DNAJB1: variants seen among roughly 807,000 people sequenced by gnomAD.
The protein encoded by DNAJB1 is DnaJ heat shock protein family (Hsp40) member B1.
DNAJB1 carries 14 observed loss-of-function variants against 24.0 expected under a neutral mutation model. That is an observed-to-expected ratio of 0.58 (90% CI 0.39 to 0.91). The LOEUF (loss-of-function observed/expected upper bound fraction) is 0.91, where lower values mean the gene tolerates loss of function less well. Among genes scored for constraint, DNAJB1 ranks in the 40% least tolerant of loss-of-function variants. DNAJB1 has a pLI of 0.00. For synonymous variants in DNAJB1, 262 were observed against 174.4 expected (o/e 1.50, Z -3.96); for missense variants, 517 against 458.1 (o/e 1.13, Z -1.17).
chr19:14,558,289 C>A (rs1258638275), intron 1 of DNAJB1, among the ~76,000 whole-genome samples: 6 of 152,154 alleles, frequency 3.9e-5, no homozygotes, highest in Admixed American at 3.9e-4. Flanking sequence ...CGAGAGCCCC[C>A]CTTTTCACTC....
At chr19:14,538,619 G>C (rs1228324819) in intron 1 of DNAJB1, among the ~76,000 whole-genome samples, 1 of 150,232 alleles carries the variant, frequency 6.7e-6, no homozygotes, top group Non-Finnish European at 1.5e-5. Context: ...TGCAACCTCT[G>C]CCTCCTGGGT....
chr19:14,535,558 A>ATATATATATATATG (rs2072856646), intron 1 of DNAJB1, among the ~76,000 whole-genome samples: 3 of 17,092 alleles, frequency 1.8e-4, no homozygotes, highest in African/African-American at 5.5e-4. Flanking sequence ...ATATATATAT[A>ATATATATATATATG]TATATATATA....
chr19:14,543,697 C>T (rs1299852609), intron 1 of DNAJB1, among the ~76,000 whole-genome samples: 2 of 150,684 alleles, frequency 1.3e-5, no homozygotes, highest in East Asian at 3.9e-4. Context: ...CTCGGCCTCC[C>T]AAAGTGCTGG....
chr19:14,516,450 C>G lies in DNAJB1; in HGVS notation c.792+16G>C. Reference sequence around the variant, plus strand: ...GCCATCGCCCTCTACAGACACCGCCCCACCTGGCACCTTACCTCCCGGAGG... The same window carrying G: ...GCCATCGCCCTCTACAGACACCGCCGCACCTGGCACCTTACCTCCCGGAGG... On this transcript the variant is annotated intron_variant, in intron 2 of 2. Transcript: ENST00000254322. 6.2e-7 allele frequency: 1 copy of G among 1,606,908 alleles called. No individual in the cohort carries two copies. The highest frequency in any genetic ancestry group is 8.5e-7 in the Non-Finnish European group (1 of 1,175,164).
At chr19:14,530,353 G>A (rs569966912), upstream of DNAJB1, 24 of 153,602 alleles carry the variant, frequency 1.6e-4, no homozygotes, top group South Asian at 4.3e-3. Flanking sequence ...TCCTAACTTG[G>A]GTCTCTTTTT....
At chr19:14,539,475 C>T (rs1161343665) in intron 1 of DNAJB1, among the ~76,000 whole-genome samples, 1 of 152,118 alleles carries the variant, frequency 6.6e-6, no homozygotes, top group East Asian at 1.9e-4. Context: ...TAGGAGCACA[C>T]TGCTTCTGTT....
upstream of DNAJB1, chr19:14,529,626 A>G (rs369850035): frequency 3.7e-6 from 6 of 1,611,394 alleles, no homozygotes; most frequent in South Asian, 2.2e-5. Context: ...CGAGCGCTGT[A>G]GGGAGCCTGT....
In DNAJB1 at chr19:14,517,036, C is replaced by T. The variant is rs1471532277; in HGVS notation, c.222G>A (p.Gly74=). The T allele has an allele frequency of 1.2e-6, 2 of 1,605,168 alleles. No homozygotes were observed. Among genetic ancestry groups the T allele is most frequent in the Non-Finnish European group, 1.7e-6 (2 of 1,175,790 alleles). ...CGCCGCTACCGCCACTGGGGCCACT[C>T]CCCTTTAGGCCTGAAAAGCAGATTT... The part of the protein sequence containing the change: ...FDRYGEEGLK[G]SGPSGGSGGG... The change falls in exon 2 of 3, where the codon GGG becomes GGA. Residue 74 remains glycine (G), a synonymous_variant. Coordinates refer to ENST00000254322, the MANE Select transcript of DNAJB1 (RefSeq NM_006145.3).
At chr19:14,544,937 G>A (rs2073249191) in intron 1 of DNAJB1, among the ~76,000 whole-genome samples, 1 of 152,070 alleles carries the variant, frequency 6.6e-6, no homozygotes, top group Non-Finnish European at 1.5e-5. Context: ...CCAGCACGTG[G>A]CTTGTTTTGA....
Position 14,515,868 on chromosome 19 carries a change from A to C in DNAJB1, c.*72T>G. The C allele has an allele frequency of 2.8e-6, 4 of 1,452,920 alleles. No homozygotes were observed. Among genetic ancestry groups the C allele is most frequent in the Non-Finnish European group, 3.8e-6 (4 of 1,053,716 alleles). The allele number at this position is 1,452,920 out of a possible 1,614,324, so 90.0% of individuals were successfully genotyped here. On this transcript the variant is annotated 3_prime_UTR_variant, in exon 3 of 3. Transcript: ENST00000254322. ...GCCCTCCCACCCTCTCATGGTCCAC[A>C]ACTGGTAGAAAGGTCCAGAAATCCT...
chr19:14,516,262 G>A, intron 2 of DNAJB1, 92 bp from the exon 3 acceptor site: 1 of 1,440,612 alleles, frequency 6.9e-7, no homozygotes, highest in Non-Finnish European at 9.4e-7. Context: ...AGACCCATCA[G>A]GCCTCTGCAG....
At position 14,516,681 on chromosome 19, in the gene DNAJB1, C is replaced by T. The variant is rs771619426; in HGVS notation, c.577G>A (p.Asp193Asn). The T allele has an allele frequency of 6.2e-7, 1 of 1,614,098 alleles. No individual in the cohort carries two copies. The highest frequency in any genetic ancestry group is 8.5e-7 in the Non-Finnish European group (1 of 1,179,986). The change falls in exon 2 of 3, where the codon GAC becomes AAC. Residue 193 changes from aspartate to asparagine, a missense_variant. Physicochemically the swap from Asp to Asn is conservative, Grantham distance 23. Coordinates refer to ENST00000254322, the MANE Select transcript of DNAJB1 (RefSeq NM_006145.3). ...MKISHKRLNP[D>N]GKSIRNEDKI... ...TCTTCGTTTCGAATGCTCTTTCCGTCGGGGTTTAGCCGCTTGTGGGAGATT... is the reference window on the plus strand; with the variant it reads ...TCTTCGTTTCGAATGCTCTTTCCGTTGGGGTTTAGCCGCTTGTGGGAGATT...
At chr19:14,526,739 C>G (rs1177183894) in intron 2 of DNAJB1, among the ~76,000 whole-genome samples, 1 of 152,164 alleles carries the variant, frequency 6.6e-6, no homozygotes. Flanking sequence ...CATGCCCTAT[C>G]TAACTGCAAC....
upstream of DNAJB1, chr19:14,534,033 C>G (rs982943726): frequency 6.6e-6 from 1 of 152,284 alleles, no homozygotes; most frequent in African/African-American, 2.4e-5. Flanking sequence ...TGTCTTCAGC[C>G]TCCAGCAGTC....
At chr19:14,533,112 A>T (rs2072734442), upstream of DNAJB1, among the ~76,000 whole-genome samples, 1 of 145,574 alleles carries the variant, frequency 6.9e-6, no homozygotes, top group African/African-American at 2.6e-5. Flanking sequence ...ACTCTGTTTT[A>T]AAAAAAATAA....
intron 1 of DNAJB1, among the ~76,000 whole-genome samples, chr19:14,536,374 A>AT (rs1355439620): frequency 6.7e-6 from 1 of 150,162 alleles, no homozygotes; most frequent in Non-Finnish European, 1.5e-5. Context: ...GGTTCAAGCG[A>AT]TTCTCCTGCC....
At chr19:14,546,574 G>C (rs1360328447) in intron 1 of DNAJB1, among the ~76,000 whole-genome samples, 2 of 152,178 alleles carry the variant, frequency 1.3e-5, no homozygotes, top group African/African-American at 2.4e-5. Context: ...ATTTATTACA[G>C]AAACAGGGCT....
At chr19:14,554,899 C>T (rs1018163800), upstream of DNAJB1, among the ~76,000 whole-genome samples, 25 of 151,984 alleles carry the variant, frequency 1.6e-4, 1 homozygote, top group Non-Finnish European at 5.9e-5. Flanking sequence ...TTGCCTCAGC[C>T]TCCTGAGTAG....
At chr19:14,534,648 G>T (rs191225136), upstream of DNAJB1, among the ~76,000 whole-genome samples, 2 of 151,998 alleles carry the variant, frequency 1.3e-5, no homozygotes, top group Non-Finnish European at 2.9e-5. Flanking sequence ...GTTAGTCCAG[G>T]CTGGTCTCGA....
Sources: allele counts gnomAD v4.1 joint callset (sites outside exome capture counted in the v4.1 genomes callset), GRCh38; gene constraint gnomAD v4.1.1; transcripts MANE v1.5; gene names NCBI Gene and HGNC (gene_info 2026-07-23, HGNC 2026-07-21).